The following CNTN3 variants were observed in gnomAD, a reference collection of about 807,000 sequenced individuals.
The protein encoded by CNTN3 is contactin 3.
CNTN3 carries 60 observed loss-of-function variants against 119.1 expected under a neutral mutation model. The observed-to-expected ratio is 0.50, with a 90% CI of 0.41 to 0.62. The LOEUF is 0.62. CNTN3 is among the 20% of genes least tolerant of loss of function. The probability of loss-of-function intolerance (pLI) is 0.00; values close to 1 mark genes in which losing one functional copy is unlikely to be tolerated. For synonymous variants in CNTN3, 450 were observed against 438.7 expected (o/e 1.03, Z -0.32); for missense variants, 1,101 against 1,242.4 (o/e 0.89, Z 1.71).
intron 4 of CNTN3, among the ~76,000 whole-genome samples, chr3:74,436,762 C>T (rs1322846338): frequency 6.6e-6 from 1 of 152,004 alleles, no homozygotes; most frequent in Non-Finnish European, 1.5e-5. Flanking sequence ...AAATACAAAA[C>T]AAAAATCTTC....
At chr3:74,416,377 T>C (rs1701520470) in intron 5 of CNTN3, among the ~76,000 whole-genome samples, 1 of 152,222 alleles carries the variant, frequency 6.6e-6, no homozygotes, top group African/African-American at 2.4e-5. Context: ...CTGTGATTAT[T>C]CCCCATGTAT....
chr3:74,273,729 C>T (rs965992656), intron 20 of CNTN3, among the ~76,000 whole-genome samples: 1 of 152,156 alleles, frequency 6.6e-6, no homozygotes, highest in African/African-American at 2.4e-5. Context: ...GGAGGGTGGC[C>T]AGAGGCACGA....
chr3:74,527,361 T>C (rs982165092), intron 1 of CNTN3, among the ~76,000 whole-genome samples: 5 of 151,870 alleles, frequency 3.3e-5, no homozygotes, highest in African/African-American at 7.2e-5. Context: ...TGGACAAAAG[T>C]AGTAGCAAAC....
chr3:74,337,683 A>T (rs1240582757), intron 11 of CNTN3, among the ~76,000 whole-genome samples: 1 of 152,102 alleles, frequency 6.6e-6, no homozygotes, highest in Admixed American at 6.6e-5. Flanking sequence ...ATCATGTCCC[A>T]CCAGGTCCCT....
At chr3:74,349,388 T>G (rs1703765396) in intron 11 of CNTN3, among the ~76,000 whole-genome samples, 1 of 152,206 alleles carries the variant, frequency 6.6e-6, no homozygotes, top group Non-Finnish European at 1.5e-5. Flanking sequence ...CCAGGAAGGC[T>G]TCCCATAGCA....
In CNTN3 at chr3:74,263,386, T is replaced by A. The variant is rs933956715; in HGVS notation, c.*1015A>T. The A allele has an allele frequency of 6.6e-6, 1 of 152,104 alleles. No homozygotes were observed. The highest frequency in any genetic ancestry group is 2.4e-5 in the African/African-American group (1 of 41,418). 9.4% of individuals were successfully genotyped at this position (152,104 alleles called of 1,614,324 possible). A position where few individuals can be genotyped will look rare whatever the true frequency, so the allele number is the denominator to read the frequency against. ...AGGGTCCCTTAATGGAATTGGAAAT[T>A]GAAATGAGGGATTATGTGGATTTTG... On this transcript the variant is annotated 3_prime_UTR_variant, in exon 23 of 23. Coordinates refer to ENST00000263665, the MANE Select transcript of CNTN3 (RefSeq NM_020872.3).
chr3:74,493,354 T>G (rs147117449), intron 3 of CNTN3, among the ~76,000 whole-genome samples: 1 of 152,044 alleles, frequency 6.6e-6, no homozygotes, highest in Non-Finnish European at 1.5e-5. Context: ...AAACCCCAAA[T>G]AGAATTCACC....
intron 5 of CNTN3, among the ~76,000 whole-genome samples, chr3:74,378,179 C>T (rs1022438226): frequency 6.6e-6 from 1 of 152,188 alleles, no homozygotes; most frequent in African/African-American, 2.4e-5. Context: ...GCTTACAAAT[C>T]ACACCACTTT....
At chr3:74,494,976 C>T (rs1354910866) in intron 3 of CNTN3, among the ~76,000 whole-genome samples, 1 of 152,050 alleles carries the variant, frequency 6.6e-6, no homozygotes, top group African/African-American at 2.4e-5. Context: ...GATAGTGCAA[C>T]CAAGTTTAAG....
chr3:74,577,430 G>T (rs1018593318), intron 1 of CNTN3, among the ~76,000 whole-genome samples: 2 of 152,052 alleles, frequency 1.3e-5, no homozygotes, highest in East Asian at 1.9e-4. Flanking sequence ...TCAAGAGTGG[G>T]GGGGAAAAAG....
At chr3:74,382,746 C>T (rs1263911290) in intron 5 of CNTN3, among the ~76,000 whole-genome samples, 2 of 152,196 alleles carry the variant, frequency 1.3e-5, no homozygotes, top group Non-Finnish European at 2.9e-5. Flanking sequence ...ATATATACAA[C>T]ATTTTCTTTA....
At chr3:74,337,946 G>C (rs1703435741) in intron 11 of CNTN3, among the ~76,000 whole-genome samples, 1 of 151,606 alleles carries the variant, frequency 6.6e-6, no homozygotes, top group Non-Finnish European at 1.5e-5. Flanking sequence ...AAATGAGATG[G>C]GATTAACCTG....
intron 1 of CNTN3, among the ~76,000 whole-genome samples, chr3:74,599,592 T>C (rs1204379531): frequency 6.6e-6 from 1 of 152,070 alleles, no homozygotes; most frequent in Non-Finnish European, 1.5e-5. Flanking sequence ...TTTGCACTCC[T>C]ATGAGGATCT....
At chr3:74,456,520 A>G (rs889752379) in intron 4 of CNTN3, among the ~76,000 whole-genome samples, 3 of 152,114 alleles carry the variant, frequency 2.0e-5, no homozygotes, top group Non-Finnish European at 4.4e-5. Context: ...CAATGTTAAA[A>G]TACTAACAAT....
intron 8 of CNTN3, among the ~76,000 whole-genome samples, chr3:74,366,780 G>GTACATATATATATATA (rs1704202507): frequency 1.6e-5 from 1 of 63,714 alleles, no homozygotes. Flanking sequence ...GTGTGTGTGT[G>GTACATATATATATATA]TATATATATA....
At chr3:74,464,198 C>T (rs576937696) in intron 4 of CNTN3, among the ~76,000 whole-genome samples, 21 of 152,210 alleles carry the variant, frequency 1.4e-4, no homozygotes, top group African/African-American at 4.8e-4. Flanking sequence ...TAAAAGCTTT[C>T]ATTAGTACTG....
At chr3:74,285,275 T>G (rs377020402) in intron 20 of CNTN3, 30 bp downstream of exon 20, 1 of 1,571,428 alleles carries the variant, frequency 6.4e-7, no homozygotes. Flanking sequence ...CTATTTTCCG[T>G]ACCATTCAAA....
At chr3:74,504,188 T>C (rs557220718) in intron 2 of CNTN3, among the ~76,000 whole-genome samples, 59 of 152,170 alleles carry the variant, frequency 3.9e-4, no homozygotes, top group Non-Finnish European at 7.9e-4. Flanking sequence ...TCCTTACTGA[T>C]TTATGTCATA....
At chr3:74,411,014 T>C (rs1046616641) in intron 5 of CNTN3, among the ~76,000 whole-genome samples, 1 of 151,924 alleles carries the variant, frequency 6.6e-6, no homozygotes, top group Admixed American at 6.6e-5. Flanking sequence ...GAGGAGAGAC[T>C]CCCCTCTCTA....
Sources: gnomAD v4.1 joint callset for allele counts (sites outside exome capture counted in the v4.1 genomes callset) on GRCh38, gnomAD v4.1.1 for gene constraint, MANE v1.5 for transcripts, NCBI Gene and HGNC (gene_info 2026-07-23, HGNC 2026-07-21) for gene names.